RNF157: variants seen among roughly 807,000 people sequenced by gnomAD.
The protein encoded by RNF157 is E3 ubiquitin ligase RNF157.
A neutral mutation model predicts 88.3 loss-of-function variants in RNF157; 55 were observed. That is an observed-to-expected ratio of 0.62 (90% CI 0.50 to 0.78). The LOEUF is 0.78. Ranked by LOEUF, RNF157 falls within the 30% of genes least tolerant of loss-of-function variation. The pLI is 0.00. For synonymous variants in RNF157, 334 were observed against 341.2 expected (o/e 0.98, Z 0.23); for missense variants, 788 against 860.8 (o/e 0.92, Z 1.06).
At chr17:76,212,010 A>G (rs2069809729) in intron 2 of RNF157, 1 of 165,376 alleles carries the variant, frequency 6.0e-6, no homozygotes, top group South Asian at 1.8e-4. Context: ...GGAGGCAGAC[A>G]ATAAGCAGAG....
chr17:76,225,382 TAA>T (rs566014021), intron 1 of RNF157, among the ~76,000 whole-genome samples: 23 of 152,246 alleles, frequency 1.5e-4, no homozygotes, highest in East Asian at 1.2e-3. Context: ...TTAGTATATA[TAA>T]GTTAATAATT....
chr17:76,216,357 G>A (rs2069888707), intron 1 of RNF157, among the ~76,000 whole-genome samples: 3 of 152,096 alleles, frequency 2.0e-5, no homozygotes, highest in Admixed American at 2.0e-4. Flanking sequence ...CAGGCAACAG[G>A]GTTCGATTAG....
intron 2 of RNF157, among the ~76,000 whole-genome samples, chr17:76,194,857 T>C (rs1408137502): frequency 6.6e-6 from 1 of 151,856 alleles, no homozygotes; most frequent in African/African-American, 2.4e-5. Context: ...CTACTAAAAA[T>C]ACAAAAAATT....
chr17:76,210,478 T>C (rs2069771002), intron 2 of RNF157, among the ~76,000 whole-genome samples: 1 of 148,038 alleles, frequency 6.8e-6, no homozygotes, highest in Admixed American at 6.8e-5. Context: ...TAGTCCCAGC[T>C]ACTCAGGAGG....
intron 2 of RNF157, among the ~76,000 whole-genome samples, chr17:76,191,856 G>A (rs943086659): frequency 2.6e-5 from 4 of 152,160 alleles, no homozygotes; most frequent in East Asian, 1.9e-4. Flanking sequence ...TTGATTGGCC[G>A]GGAAAGACCA....
chr17:76,167,182 G>A, intron 4 of RNF157, 56 bp from the exon 5 acceptor site: 1 of 1,236,342 alleles, frequency 8.1e-7, no homozygotes. Context: ...AGATGGGTCT[G>A]ACAACTTCCT....
chr17:76,190,236 G>C (rs909151839), intron 2 of RNF157, among the ~76,000 whole-genome samples: 1 of 147,956 alleles, frequency 6.8e-6, no homozygotes, highest in Non-Finnish European at 1.5e-5. Flanking sequence ...GCACAATTTC[G>C]CCTCACTGCG....
At chr17:76,150,647 C>A (rs1190988478) in intron 18 of RNF157, among the ~76,000 whole-genome samples, 1 of 152,100 alleles carries the variant, frequency 6.6e-6, no homozygotes, top group Non-Finnish European at 1.5e-5. Context: ...CACCCAACTA[C>A]TGACAGAGGA....
intron 15 of RNF157, 47 bp from the exon 16 acceptor site, chr17:76,155,364 G>A: frequency 6.3e-7 from 1 of 1,588,548 alleles, no homozygotes; most frequent in South Asian, 1.1e-5. Flanking sequence ...AAGGTCTCGT[G>A]ACAGCAAACC....
intron 2 of RNF157, among the ~76,000 whole-genome samples, chr17:76,203,039 G>A (rs757445002): frequency 1.3e-5 from 2 of 152,152 alleles, no homozygotes; most frequent in Non-Finnish European, 2.9e-5. Flanking sequence ...AGCCCAGGCT[G>A]GAGTGCAGTG....
Position 76,143,653 on chromosome 17 carries a change from A to C in RNF157, c.*1582T>G, listed in dbSNP as rs1395150301. The C allele has an allele frequency of 6.6e-6, 1 of 152,180 alleles. No homozygotes were observed. Among genetic ancestry groups the C allele is most frequent in the African/African-American group, 2.4e-5 (1 of 41,434 alleles). 9.4% of individuals were successfully genotyped at this position (152,180 alleles called of 1,614,324 possible). ...TCAGGGCAGGATGTGAGCCACAACC[A>C]CTAGGCAGTGAGACAGTCACTGCAC... is the stretch of plus-strand genomic sequence containing the variant. On this transcript the variant is annotated 3_prime_UTR_variant, in exon 19 of 19. Transcript: ENST00000269391.
intron 2 of RNF157, among the ~76,000 whole-genome samples, chr17:76,210,515 G>T (rs1294249033): frequency 6.9e-6 from 1 of 144,520 alleles, no homozygotes; most frequent in Non-Finnish European, 1.5e-5. Context: ...GCGTGAACCC[G>T]GGAGGCAGAG....
At chr17:76,239,745 C>T (rs1009243126) in intron 1 of RNF157, among the ~76,000 whole-genome samples, 1 of 152,126 alleles carries the variant, frequency 6.6e-6, no homozygotes. Context: ...CCTCGCGGCC[C>T]TCGGACCCCG....
chr17:76,192,884 A>G (rs886244943), intron 2 of RNF157, among the ~76,000 whole-genome samples: 1 of 145,316 alleles, frequency 6.9e-6, no homozygotes, highest in Non-Finnish European at 1.5e-5. Context: ...TCTCTTGCAC[A>G]GGGTGACTGC....
At chr17:76,228,536 T>C (rs1345096073) in intron 1 of RNF157, among the ~76,000 whole-genome samples, 1 of 152,180 alleles carries the variant, frequency 6.6e-6, no homozygotes, top group Non-Finnish European at 1.5e-5. Flanking sequence ...CTCTCTCCAC[T>C]GGCTTCTTAC....
intron 2 of RNF157, among the ~76,000 whole-genome samples, chr17:76,180,911 C>G (rs185936399): frequency 1.7e-3 from 261 of 152,336 alleles, no homozygotes; most frequent in Non-Finnish European, 3.3e-3. Context: ...ATGCCTGCCC[C>G]TCTCACCAGC....
Position 76,146,498 on chromosome 17 carries a change from C to G in RNF157, c.1922-1145G>C, listed in dbSNP as rs1011946745. On this transcript the variant is annotated intron_variant, in intron 18 of 18. Transcript: ENST00000269391. This position sits in a 1 kb window ranked among gnomAD's most constrained non-coding sequence, Gnocchi z 4.2. ...CGCTCCTGCCTTGGGCCTCGGCTGC[C>G]TCCACTCTCAGGGTCCCCTGGCTCC... is the stretch of plus-strand genomic sequence containing the variant. 10 of 985,350 alleles carry G rather than the reference C, an allele frequency of 1.0e-5. No individual in the cohort carries two copies. The highest frequency in any genetic ancestry group is 1.1e-5 in the Non-Finnish European group (9 of 829,930). 61.0% of individuals were successfully genotyped at this position (985,350 alleles called of 1,614,324 possible). A position where few individuals can be genotyped will look rare whatever the true frequency, so the allele number is the denominator to read the frequency against.
At chr17:76,196,106 T>C (rs1476374757) in intron 2 of RNF157, among the ~76,000 whole-genome samples, 1 of 152,230 alleles carries the variant, frequency 6.6e-6, no homozygotes, top group Admixed American at 6.5e-5. Context: ...TGGGTAGCCC[T>C]GCTCTGCAGG....
At chr17:76,228,389 A>G (rs914775481) in intron 1 of RNF157, among the ~76,000 whole-genome samples, 5 of 152,076 alleles carry the variant, frequency 3.3e-5, no homozygotes, top group African/African-American at 1.2e-4. Flanking sequence ...ATTTCTACCC[A>G]TACTTTCTTC....
Sources: gnomAD v4.1 joint callset for allele counts (sites outside exome capture counted in the v4.1 genomes callset) on GRCh38, gnomAD v4.1.1 for gene constraint, Gnocchi (gnomAD v3.1) non-coding constraint, MANE v1.5 for transcripts, NCBI Gene and HGNC (gene_info 2026-07-23, HGNC 2026-07-21) for gene names.